Variants in CLASP2 observed in about 807,000 individuals in gnomAD.
CLASP2 encodes the protein cytoplasmic linker associated protein 2, also known as CLIP-associating protein 2.
Under a neutral mutation model 194.4 loss-of-function variants are expected in CLASP2, and 47 were observed. The observed-to-expected ratio is 0.24, with a 90% CI of 0.19 to 0.31. The LOEUF is 0.31. CLASP2 is among the 10% of genes least tolerant of loss of function. The probability of loss-of-function intolerance (pLI) is 1.00; values close to 1 mark genes in which losing one functional copy is unlikely to be tolerated. For missense variants in CLASP2, 1,445 were observed against 1,823.6 expected (o/e 0.79, Z 3.78); for synonymous variants, 619 against 633.5 (o/e 0.98, Z 0.34).
At chr3:33,529,492 G>A (rs1020333765) in intron 34 of CLASP2, among the ~76,000 whole-genome samples, 4 of 123,856 alleles carry the variant, frequency 3.2e-5, no homozygotes, top group African/African-American at 1.2e-4. Flanking sequence ...CCACTGAACA[G>A]AATAGAGAGC....
chr3:33,695,063 G>GT (rs373103110), intron 2 of CLASP2, among the ~76,000 whole-genome samples: 11,556 of 140,166 alleles, frequency 0.082, 500 homozygotes, highest in Admixed American at 0.11. Flanking sequence ...ATCTACTATA[G>GT]TTTTTTTTTT....
At chr3:33,588,582 C>A in intron 21 of CLASP2, 3 of 537,862 alleles carry the variant, frequency 5.6e-6, no homozygotes, top group South Asian at 2.9e-5. Flanking sequence ...GCAATTTCTG[C>A]CCCAGTATGA....
chr3:33,529,984 C>CAAAAAAAAAAAAAA (rs1169927619), intron 34 of CLASP2, among the ~76,000 whole-genome samples: 1 of 32,242 alleles, frequency 3.1e-5, no homozygotes, highest in African/African-American at 1.0e-4. Context: ...GACTCCGTCT[C>CAAAAAAAAAAAAAA]AAAAAAAAAA....
intron 2 of CLASP2, among the ~76,000 whole-genome samples, chr3:33,694,167 CT>C (rs1196222209): frequency 1.3e-5 from 2 of 152,072 alleles, no homozygotes; most frequent in Non-Finnish European, 2.9e-5. Flanking sequence ...GAGCAAGTTT[CT>C]GATTAGCTTA....
At chr3:33,601,841 T>C (rs995448105) in intron 18 of CLASP2, among the ~76,000 whole-genome samples, 1 of 152,154 alleles carries the variant, frequency 6.6e-6, no homozygotes, top group Non-Finnish European at 1.5e-5. Flanking sequence ...AACTTTATCA[T>C]GCACTATACT....
chr3:33,543,296 C>A (rs1281678101), intron 32 of CLASP2, 137 bp downstream of exon 32: 3 of 597,164 alleles, frequency 5.0e-6, no homozygotes, highest in Non-Finnish European at 9.0e-6. Context: ...CTGCTTGAAC[C>A]TGGGAGGTAG....
chr3:33,585,551 C>T (rs2067161498), intron 21 of CLASP2, among the ~76,000 whole-genome samples: 2 of 152,048 alleles, frequency 1.3e-5, no homozygotes, highest in South Asian at 2.1e-4. Flanking sequence ...AGAAAAGGTA[C>T]AGTAAAAATA....
chr3:33,558,960 A>G (rs2061379252), intron 29 of CLASP2: 1 of 336,026 alleles, frequency 3.0e-6, no homozygotes, highest in African/African-American at 2.2e-5. Flanking sequence ...ATCACCATTA[A>G]GTTTCTCCAA....
intron 29 of CLASP2, among the ~76,000 whole-genome samples, chr3:33,552,527 AT>A (rs889267703): frequency 6.6e-6 from 1 of 152,124 alleles, no homozygotes; most frequent in Non-Finnish European, 1.5e-5. Flanking sequence ...TCATATACTT[AT>A]TTTTTTGTGG....
intron 6 of CLASP2, among the ~76,000 whole-genome samples, chr3:33,667,597 T>C (rs1466940028): frequency 6.6e-6 from 1 of 152,130 alleles, no homozygotes; most frequent in Non-Finnish European, 1.5e-5. Context: ...TGCCTAGTAT[T>C]TTCTAAGAGT....
intron 8 of CLASP2, among the ~76,000 whole-genome samples, chr3:33,643,416 T>C (rs1416852517): frequency 6.6e-6 from 1 of 151,892 alleles, no homozygotes; most frequent in East Asian, 1.9e-4. Context: ...CATATACTTT[T>C]TACTAGCGGT....
Position 33,501,704 on chromosome 3 carries a change from G to C in CLASP2, c.4382C>G (p.Ala1461Gly), listed in dbSNP as rs200365117. The C allele has an allele frequency of 3.5e-5, 57 of 1,613,272 alleles. No homozygotes were observed. The highest frequency in any genetic ancestry group is 1.5e-4 in the Admixed American group (9 of 59,968). The change falls in exon 38 of 39, where the codon GCG becomes GGG. Residue 1461 changes from alanine to glycine, a missense_variant. Around this residue, in one of 4 missense-constraint regions of CLASP2, gnomAD observed 732 missense variants for 987.9 expected, o/e 0.74. Coordinates refer to ENST00000682230, the MANE Select transcript of CLASP2 (RefSeq NM_001365631.1). ...ACVFCLVAVH[A>G]VIGDELKPHL... ...TGGTTTTAGTTCATCACCAATTACC[G>C]CATGAACAGCCACCAGGCAGAAGAC...
chr3:33,647,763 G>A (rs1057382576), intron 7 of CLASP2, among the ~76,000 whole-genome samples: 2 of 152,166 alleles, frequency 1.3e-5, no homozygotes, highest in East Asian at 1.9e-4. Context: ...GGCCGGGCGC[G>A]GTGGCTCACG....
In CLASP2 at chr3:33,689,641, A is replaced by G. The variant is rs560356273; in HGVS notation, c.378+188T>C. 3.2e-5 allele frequency: 14 copies of G among 434,308 alleles called. No individual in the cohort carries two copies. The South Asian group carries it at 7.4e-4, about 23-fold the overall frequency. The allele number at this position is 434,308 out of a possible 1,614,324, so 26.9% of individuals were successfully genotyped here. A position where few individuals can be genotyped will look rare whatever the true frequency, so the allele number is the denominator to read the frequency against. ...TAGCTTTTAAAAAAAAAGCATTAAGAGTACAAAATAAGAATCAGAAGCAAA... is the reference window on the plus strand; with the variant it reads ...TAGCTTTTAAAAAAAAAGCATTAAGGGTACAAAATAAGAATCAGAAGCAAA... On this transcript the variant is annotated intron_variant, in intron 3 of 38. Coordinates refer to ENST00000682230, the MANE Select transcript of CLASP2 (RefSeq NM_001365631.1).
At chr3:33,599,732 G>A (rs907695710) in intron 18 of CLASP2, among the ~76,000 whole-genome samples, 1 of 152,110 alleles carries the variant, frequency 6.6e-6, no homozygotes, top group African/African-American at 2.4e-5. Flanking sequence ...TCAGTCTTAC[G>A]TGTGTAAGAA....
intron 30 of CLASP2, among the ~76,000 whole-genome samples, chr3:33,545,465 C>T (rs552951947): frequency 1.5e-4 from 23 of 152,256 alleles, no homozygotes; most frequent in African/African-American, 5.5e-4. Context: ...TGAACCCACT[C>T]TATGAAAAAT....
chr3:33,566,590 T>C (rs2062775432), intron 27 of CLASP2, 142 bp downstream of exon 27: 3 of 281,210 alleles, frequency 1.1e-5, no homozygotes, highest in South Asian at 6.9e-5. Flanking sequence ...GAATGATAGT[T>C]TGCATAACTG....
chr3:33,593,599 T>C (rs1395475562), intron 20 of CLASP2, among the ~76,000 whole-genome samples: 1 of 152,182 alleles, frequency 6.6e-6, no homozygotes, highest in Non-Finnish European at 1.5e-5. Flanking sequence ...ATTGGTAGAA[T>C]ACCAGCATAC....
At chr3:33,659,115 G>A (rs2154330619) in intron 7 of CLASP2, 2 of 1,462,304 alleles carry the variant, frequency 1.4e-6, no homozygotes, top group East Asian at 2.5e-5. Flanking sequence ...TGTGACCCAG[G>A]CCTCGCTGCA....
Sources: gnomAD v4.1 joint callset for allele counts (sites outside exome capture counted in the v4.1 genomes callset) on GRCh38, gnomAD v4.1.1 for gene constraint, gnomAD v4.1.1 regional missense constraint, MANE v1.5 for transcripts, NCBI Gene and HGNC (gene_info 2026-07-23, HGNC 2026-07-21) for gene names.